The following PPP3CA variants were observed in gnomAD, a reference collection of about 807,000 sequenced individuals.
The protein encoded by PPP3CA is CAM-PRP catalytic subunit.
In PPP3CA, 14 loss-of-function variants were observed where a neutral mutation model predicts 66.5. The observed-to-expected ratio is 0.21, with a 90% CI of 0.14 to 0.33. The LOEUF (loss-of-function observed/expected upper bound fraction) is 0.33. PPP3CA is among the 10% of genes least tolerant of loss of function. PPP3CA has a pLI of 1.00. For missense variants in PPP3CA, 317 were observed against 639.5 expected (o/e 0.50, Z 5.44); for synonymous variants, 232 against 226.2 (o/e 1.03, Z -0.23).
intron 1 of PPP3CA, among the ~76,000 whole-genome samples, chr4:101,264,538 T>C (rs570041378): frequency 6.6e-6 from 1 of 152,298 alleles, no homozygotes; most frequent in East Asian, 1.9e-4. Flanking sequence ...GAATCAGTTT[T>C]TTGAGACCAG....
intron 1 of PPP3CA, among the ~76,000 whole-genome samples, chr4:101,199,748 G>C (rs1164290887): frequency 6.6e-6 from 1 of 152,174 alleles, no homozygotes; most frequent in Non-Finnish European, 1.5e-5. Flanking sequence ...GGCAGAGACT[G>C]ATTTTCAAGG....
chr4:101,144,847 G>C (rs1328415846), intron 2 of PPP3CA, among the ~76,000 whole-genome samples: 6 of 152,084 alleles, frequency 3.9e-5, no homozygotes, highest in Non-Finnish European at 7.4e-5. Flanking sequence ...CACAATCTCT[G>C]AACAATGCAA....
intron 2 of PPP3CA, among the ~76,000 whole-genome samples, chr4:101,126,750 A>C (rs1157807339): frequency 6.6e-6 from 1 of 152,208 alleles, no homozygotes; most frequent in African/African-American, 2.4e-5. Context: ...AGTATCAAAA[A>C]CAGAAAATAA....
At chr4:101,260,219 A>T (rs1726968631) in intron 1 of PPP3CA, among the ~76,000 whole-genome samples, 1 of 152,146 alleles carries the variant, frequency 6.6e-6, no homozygotes, top group Non-Finnish European at 1.5e-5. Flanking sequence ...TACTGTCTGT[A>T]ATTTAAATCT....
chr4:101,064,880 G>A (rs887414405), intron 8 of PPP3CA, among the ~76,000 whole-genome samples: 4 of 152,036 alleles, frequency 2.6e-5, no homozygotes, highest in Non-Finnish European at 5.9e-5. Context: ...CTAACAATAT[G>A]TTGATGTTTT....
intron 1 of PPP3CA, among the ~76,000 whole-genome samples, chr4:101,242,389 A>G (rs1726339412): frequency 6.6e-6 from 1 of 152,158 alleles, no homozygotes; most frequent in Non-Finnish European, 1.5e-5. Context: ...ACTTATTTCC[A>G]ATTGAAAACT....
At chr4:101,316,286 T>A (rs1167478421) in intron 1 of PPP3CA, among the ~76,000 whole-genome samples, 1 of 151,328 alleles carries the variant, frequency 6.6e-6, no homozygotes, top group Non-Finnish European at 1.5e-5. Flanking sequence ...AATTTATTCA[T>A]AATATAATCA....
chr4:101,101,655 G>A (rs74843963), intron 3 of PPP3CA, among the ~76,000 whole-genome samples: 15,982 of 151,740 alleles, frequency 0.11, 1,937 homozygotes, highest in African/African-American at 0.29. Flanking sequence ...CTTTAAGAGA[G>A]GTATAATATA....
chr4:101,334,759 C>T (rs1443655945), intron 1 of PPP3CA, among the ~76,000 whole-genome samples: 14 of 152,152 alleles, frequency 9.2e-5, no homozygotes, highest in Non-Finnish European at 1.8e-4. Flanking sequence ...ATTCAATTTA[C>T]AGACTGGCTA....
intron 1 of PPP3CA, among the ~76,000 whole-genome samples, chr4:101,213,120 T>C (rs918948025): frequency 1.2e-4 from 19 of 152,152 alleles, no homozygotes; most frequent in Non-Finnish European, 2.4e-4. Flanking sequence ...TGTTCTATAA[T>C]AGATACCATC....
chr4:101,031,387 T>C (rs1726952491), intron 12 of PPP3CA, among the ~76,000 whole-genome samples: 1 of 152,152 alleles, frequency 6.6e-6, no homozygotes, highest in South Asian at 2.1e-4. Context: ...CTAATAGCAA[T>C]CTCCTATTGT....
chr4:101,143,462 C>G (rs958508110), intron 2 of PPP3CA, among the ~76,000 whole-genome samples: 1 of 152,138 alleles, frequency 6.6e-6, no homozygotes, highest in African/African-American at 2.4e-5. Context: ...ACTAGTCCAC[C>G]CTGAGTATCT....
At chr4:101,104,325 T>G (rs1730565111) in intron 3 of PPP3CA, among the ~76,000 whole-genome samples, 2 of 152,182 alleles carry the variant, frequency 1.3e-5, no homozygotes, top group African/African-American at 4.8e-5. Flanking sequence ...AACAACAGTA[T>G]CATACTCACA....
intron 2 of PPP3CA, among the ~76,000 whole-genome samples, chr4:101,155,337 G>A (rs560515491): frequency 6.6e-6 from 1 of 152,284 alleles, no homozygotes; most frequent in South Asian, 2.1e-4. Context: ...AATGAAAACA[G>A]ATTCGCATTA....
chr4:101,140,291 C>T (rs927782706), intron 2 of PPP3CA, among the ~76,000 whole-genome samples: 1 of 152,080 alleles, frequency 6.6e-6, no homozygotes, highest in Non-Finnish European at 1.5e-5. Context: ...AGTGTATATC[C>T]ATGCTGAGTT....
chr4:101,197,442 G>A (rs1247894592), intron 1 of PPP3CA, among the ~76,000 whole-genome samples: 1 of 152,158 alleles, frequency 6.6e-6, no homozygotes, highest in Non-Finnish European at 1.5e-5. Context: ...TGGCAGATTT[G>A]GTGGCTGAGC....
chr4:101,085,880 C>T (rs1032398425), intron 6 of PPP3CA, among the ~76,000 whole-genome samples: 1 of 149,334 alleles, frequency 6.7e-6, no homozygotes. Context: ...AGAGAAAGAG[C>T]GAGAGAGAGA....
At chr4:101,081,930 AC>A (rs1372991545) in intron 7 of PPP3CA, among the ~76,000 whole-genome samples, 1 of 152,220 alleles carries the variant, frequency 6.6e-6, no homozygotes, top group Non-Finnish European at 1.5e-5. Flanking sequence ...CTACTTGACA[AC>A]AAACAAAAAC....
intron 1 of PPP3CA, among the ~76,000 whole-genome samples, chr4:101,218,221 G>A (rs1725513926): frequency 6.6e-6 from 1 of 151,946 alleles, no homozygotes; most frequent in South Asian, 2.1e-4. Flanking sequence ...GAGCTATGAA[G>A]AATACACTAG....
Sources: gnomAD v4.1 joint callset for allele counts (sites outside exome capture counted in the v4.1 genomes callset) on GRCh38, gnomAD v4.1.1 for gene constraint, MANE v1.5 for transcripts, NCBI Gene and HGNC (gene_info 2026-07-23, HGNC 2026-07-21) for gene names.